AKAIN1: variants seen among roughly 807,000 people sequenced by gnomAD.
AKAIN1 encodes A-kinase anchor protein inhibitor 1.
A neutral mutation model predicts 3.7 loss-of-function variants in AKAIN1; 3 were observed. The ratio of observed to expected loss-of-function variants is 0.82; its 90% confidence interval spans 0.37 to 2.12. AKAIN1 has a LOEUF of 2.12. Among genes scored for constraint, AKAIN1 ranks in the 30% most tolerant of loss-of-function variants. AKAIN1 has a pLI of 0.06. For synonymous variants in AKAIN1, 31 were observed against 30.8 expected (o/e 1.01, Z -0.02); for missense variants, 82 against 82.7 (o/e 0.99, Z 0.03).
At chr18:5,192,889 A>C (rs536752671) in intron 1 of AKAIN1, among the ~76,000 whole-genome samples, 2 of 152,292 alleles carry the variant, frequency 1.3e-5, no homozygotes, top group East Asian at 3.9e-4. Flanking sequence ...GAATCTATAC[A>C]TATGTTGAAA....
intron 1 of AKAIN1, chr18:5,163,556 T>C (rs1262472501): frequency 2.0e-5 from 3 of 152,086 alleles, no homozygotes; most frequent in Admixed American, 6.6e-5. Context: ...TTCTACTTTA[T>C]CGTGAAGCCA....
At chr18:5,170,367 C>A (rs963676018) in intron 1 of AKAIN1, among the ~76,000 whole-genome samples, 4 of 152,046 alleles carry the variant, frequency 2.6e-5, no homozygotes, top group Non-Finnish European at 5.9e-5. Context: ...CATAATGTGA[C>A]CTGTAGTAAG....
At chr18:5,153,565 G>C (rs189431111) in intron 1 of AKAIN1, among the ~76,000 whole-genome samples, 1 of 152,200 alleles carries the variant, frequency 6.6e-6, no homozygotes, top group African/African-American at 2.4e-5. Flanking sequence ...TTTAGGGCTT[G>C]GCCAAGTAGT....
chr18:5,187,833 T>G (rs2143028548), intron 1 of AKAIN1, among the ~76,000 whole-genome samples: 1 of 152,104 alleles, frequency 6.6e-6, no homozygotes, highest in East Asian at 1.9e-4. Flanking sequence ...CAGCATCAAT[T>G]CAAAAGTTCA....
chr18:5,148,199 C>T (rs1342392223), intron 1 of AKAIN1, among the ~76,000 whole-genome samples: 1 of 152,204 alleles, frequency 6.6e-6, no homozygotes, highest in Non-Finnish European at 1.5e-5. Context: ...TAGGACAGCT[C>T]ACACAAGAGA....
At chr18:5,185,675 T>C (rs1441218472) in intron 1 of AKAIN1, among the ~76,000 whole-genome samples, 1 of 152,098 alleles carries the variant, frequency 6.6e-6, no homozygotes, top group Non-Finnish European at 1.5e-5. Flanking sequence ...GTGACTATTC[T>C]TAAAAAGACA....
chr18:5,182,296 T>C (rs2071262787), intron 1 of AKAIN1, among the ~76,000 whole-genome samples: 1 of 152,132 alleles, frequency 6.6e-6, no homozygotes, highest in African/African-American at 2.4e-5. Context: ...GTTGAGATCA[T>C]CCACATGCAA....
At chr18:5,173,419 C>A (rs2071208812) in intron 1 of AKAIN1, among the ~76,000 whole-genome samples, 1 of 152,174 alleles carries the variant, frequency 6.6e-6, no homozygotes, top group South Asian at 2.1e-4. Flanking sequence ...ACAAGGACAG[C>A]TGGCAGCTCT....
intron 1 of AKAIN1, among the ~76,000 whole-genome samples, chr18:5,187,271 T>C (rs750355077): frequency 6.6e-6 from 1 of 152,044 alleles, no homozygotes; most frequent in Middle Eastern, 3.2e-3. Context: ...TTTTAAAAAC[T>C]AATAAACCTG....
intron 1 of AKAIN1, among the ~76,000 whole-genome samples, chr18:5,146,562 T>C (rs1373036035): frequency 6.6e-6 from 1 of 152,224 alleles, no homozygotes; most frequent in Non-Finnish European, 1.5e-5. Flanking sequence ...TCAACTTTGC[T>C]CCTATAATAG....
chr18:5,175,210 C>G (rs528280962), intron 1 of AKAIN1, among the ~76,000 whole-genome samples: 2 of 152,232 alleles, frequency 1.3e-5, no homozygotes, highest in African/African-American at 4.8e-5. Context: ...CATTTGTATA[C>G]TCATAAGGCC....
intron 1 of AKAIN1, among the ~76,000 whole-genome samples, chr18:5,171,521 G>C (rs964600455): frequency 2.0e-5 from 3 of 152,010 alleles, no homozygotes; most frequent in African/African-American, 7.2e-5. Context: ...AATAAAAAAT[G>C]GGCAACAGAT....
intron 1 of AKAIN1, among the ~76,000 whole-genome samples, chr18:5,171,567 T>C (rs1181250927): frequency 1.3e-5 from 2 of 151,960 alleles, no homozygotes. Context: ...ACATACAAAT[T>C]GCAAACAGGC....
intron 1 of AKAIN1, chr18:5,163,849 A>G (rs951141891): frequency 6.6e-6 from 1 of 152,114 alleles, no homozygotes; most frequent in Non-Finnish European, 1.5e-5. Flanking sequence ...GCTGGCAAAT[A>G]ATATTATCGA....
intron 1 of AKAIN1, among the ~76,000 whole-genome samples, chr18:5,173,031 T>C (rs938571023): frequency 2.0e-5 from 3 of 152,162 alleles, no homozygotes; most frequent in African/African-American, 7.2e-5. Context: ...TTAAAAATTA[T>C]TGAATCATTA....
chr18:5,169,585 C>T (rs2071185906), intron 1 of AKAIN1, among the ~76,000 whole-genome samples: 1 of 152,068 alleles, frequency 6.6e-6, no homozygotes, highest in Non-Finnish European at 1.5e-5. Context: ...ATAGCCTGGA[C>T]CACGTAGTCC....
chr18:5,180,403 A>G (rs2071251159), intron 1 of AKAIN1, among the ~76,000 whole-genome samples: 1 of 151,998 alleles, frequency 6.6e-6, no homozygotes, highest in South Asian at 2.1e-4. Context: ...TCATGGGGAG[A>G]GACCTGCCCC....
chr18:5,143,690 G>A lies in AKAIN1; in HGVS notation c.*1872C>T, dbSNP rs904537868. ...AAAACTTTGCTTAAGATATTTCAAA[G>A]CTGTATGTGTTTTATTTATAAATAA... is the stretch of plus-strand genomic sequence containing the variant. On this transcript the variant is annotated 3_prime_UTR_variant, in exon 2 of 2. Transcript: ENST00000434239. Among the ~76,000 whole-genome samples, 5 of 152,186 alleles carry A rather than the reference G, an allele frequency of 3.3e-5. No homozygotes were observed. Among genetic ancestry groups the A allele is most frequent in the African/African-American group, 1.2e-4 (5 of 41,424 alleles).
At chr18:5,178,050 A>G (rs2071236042) in intron 1 of AKAIN1, among the ~76,000 whole-genome samples, 1 of 152,026 alleles carries the variant, frequency 6.6e-6, no homozygotes, top group African/African-American at 2.4e-5. Context: ...GACTGTTCCT[A>G]AAGTCCTCAG....
Sources: allele counts gnomAD v4.1 joint callset (sites outside exome capture counted in the v4.1 genomes callset), GRCh38; gene constraint gnomAD v4.1.1; transcripts MANE v1.5; gene names NCBI Gene and HGNC (gene_info 2026-07-23, HGNC 2026-07-21).